Variants in MRPS16 observed in about 807,000 individuals in gnomAD.
MRPS16 encodes the protein small ribosomal subunit protein bS16m.
A neutral mutation model predicts 11.0 loss-of-function variants in MRPS16; 5 were observed. The observed-to-expected ratio is 0.46, with a 90% CI of 0.24 to 0.96. The LOEUF is 0.96. MRPS16 is among the 40% of genes least tolerant of loss of function. MRPS16 has a pLI of 0.20. For missense variants in MRPS16, 179 were observed against 174.4 expected (o/e 1.03, Z -0.15); for synonymous variants, 76 against 65.0 (o/e 1.17, Z -0.81).
chr10:73,252,602 G>A lies in MRPS16; in HGVS notation c.-120C>T, dbSNP rs1178310233. On this transcript the variant is annotated 5_prime_UTR_variant, in exon 1 of 3. Coordinates refer to ENST00000372945, the MANE Select transcript of MRPS16 (RefSeq NM_016065.4). ...CTGCAAGCCGACACCAGGCCGCACC[G>A]CCAAGCGGTACAAGCCCGAAAACCT... is the stretch of plus-strand genomic sequence containing the variant. The A allele has an allele frequency of 6.9e-7, 1 of 1,444,786 alleles. No individual in the cohort carries two copies. The highest frequency in any genetic ancestry group is 1.2e-5 in the South Asian group (1 of 82,560). 89.5% of individuals were successfully genotyped at this position (1,444,786 alleles called of 1,614,324 possible). A position where few individuals can be genotyped will look rare whatever the true frequency, so the allele number is the denominator to read the frequency against.
Position 73,249,287 on chromosome 10 carries a change from A to C in MRPS16, c.*1565T>G. 6.5e-7 allele frequency: 1 copy of C among 1,549,988 alleles called. No homozygotes were observed. The highest frequency in any genetic ancestry group is 8.7e-7 in the Non-Finnish European group (1 of 1,146,556). On this transcript the variant is annotated 3_prime_UTR_variant, in exon 3 of 3. Coordinates refer to ENST00000372945, the MANE Select transcript of MRPS16 (RefSeq NM_016065.4). ...TGTTGAATTTCATCTCACTGACTTC[A>C]GGCTTTTAAAACACATGGGAATACT...
chr10:73,251,051 ACT>A (rs1175988949), intron 2 of MRPS16, 60 bp from the exon 3 acceptor site: 3 of 1,587,960 alleles, frequency 1.9e-6, no homozygotes, highest in Non-Finnish European at 2.6e-6. Flanking sequence ...TTCCCTAGGA[ACT>A]CTGTCTCACA....
chr10:73,252,309 T>A, intron 1 of MRPS16, 161 bp downstream of exon 1: 1 of 1,212,336 alleles, frequency 8.2e-7, no homozygotes, highest in Non-Finnish European at 1.2e-6. Flanking sequence ...TCAGCGGTGA[T>A]TAAGTGGGGA....
rs113958603 is a variant in MRPS16 at position 73,252,609 on chromosome 10, G to C, written c.-127C>G. The C allele has an allele frequency of 1.4e-6, 2 of 1,394,534 alleles. No homozygotes were observed. Among genetic ancestry groups the C allele is most frequent in the Admixed American group, 2.0e-5 (1 of 48,854 alleles). The allele number at this position is 1,394,534 out of a possible 1,614,324, so 86.4% of individuals were successfully genotyped here. A position where few individuals can be genotyped will look rare whatever the true frequency, so the allele number is the denominator to read the frequency against. ...CCGACACCAGGCCGCACCGCCAAGCGGTACAAGCCCGAAAACCTCGACTCC... is the reference window on the plus strand; with the variant it reads ...CCGACACCAGGCCGCACCGCCAAGCCGTACAAGCCCGAAAACCTCGACTCC... On this transcript the variant is annotated 5_prime_UTR_variant, in exon 1 of 3. Transcript: ENST00000372945.
rs1046863246 is a variant in MRPS16 at position 73,252,558 on chromosome 10, G to A, written c.-76C>T. The A allele has an allele frequency of 7.0e-6, 11 of 1,580,118 alleles. No individual in the cohort carries two copies. The highest frequency in any genetic ancestry group is 4.0e-5 in the African/African-American group (3 of 74,442). Reference sequence around the variant, plus strand: ...AGCTCTACGGCCTTGGCAGGGCAGAGAACAAACACAGAAAGAACCTGCAAG... The same window carrying A: ...AGCTCTACGGCCTTGGCAGGGCAGAAAACAAACACAGAAAGAACCTGCAAG... On this transcript the variant is annotated 5_prime_UTR_variant, in exon 1 of 3. Transcript: ENST00000372945.
rs1024043807 is a variant in MRPS16, at chr10:73,248,965, C to A, written c.*1887G>T. 3.3e-5 allele frequency: 18 copies of A among 552,806 alleles called. No individual in the cohort carries two copies. The highest frequency in any genetic ancestry group is 2.4e-4 in the African/African-American group (13 of 53,356). The allele number at this position is 552,806 out of a possible 1,614,324, so 34.2% of individuals were successfully genotyped here. A position where few individuals can be genotyped will look rare whatever the true frequency, so the allele number is the denominator to read the frequency against. On this transcript the variant is annotated 3_prime_UTR_variant, in exon 3 of 3. Coordinates refer to ENST00000372945, the MANE Select transcript of MRPS16 (RefSeq NM_016065.4). ...CTTTTTCTTTTCTCTGTCACCCAGG[C>A]TGGACTGTAGTGGAACAATCACAGT...
At chr10:73,251,630 C>T (rs2044100078) in intron 2 of MRPS16, 133 bp downstream of exon 2, 2 of 1,293,934 alleles carry the variant, frequency 1.5e-6, no homozygotes, top group Admixed American at 1.7e-5. Context: ...ATCCGCCCGC[C>T]TCGGCCTCCC....
Position 73,252,123 on chromosome 10 carries a change from C to T in MRPS16, c.14-100G>A, listed in dbSNP as rs1011969862. ...TTTTCCCACTGAAATGTCTCACTTC[C>T]AATCCATTCCTGTCAATCCAGTTTA... On this transcript the variant is annotated intron_variant, in intron 1 of 2. Transcript: ENST00000372945. The T allele has an allele frequency of 4.7e-6, 7 of 1,482,224 alleles. No individual in the cohort carries two copies. The Admixed American group carries it at 5.9e-5, about 12-fold the overall frequency. 91.8% of individuals were successfully genotyped at this position (1,482,224 alleles called of 1,614,324 possible).
At chr10:73,252,415 G>C in intron 1 of MRPS16, 55 bp downstream of exon 1, 22 of 1,607,072 alleles carry the variant, frequency 1.4e-5, no homozygotes, top group Non-Finnish European at 1.8e-5. Flanking sequence ...ACCCGGCCCC[G>C]AACTCCCGAG....
Position 73,249,159 on chromosome 10 carries a change from C to A in MRPS16, c.*1693G>T. ...GTCTCAAACTCTGGCTTCAAGTGAT[C>A]CTTCCACCTCAGCCTCCCAAAGTGC... On this transcript the variant is annotated 3_prime_UTR_variant, in exon 3 of 3. Coordinates refer to ENST00000372945, the MANE Select transcript of MRPS16 (RefSeq NM_016065.4). 1.2e-6 allele frequency: 1 copy of A among 855,442 alleles called. No individual in the cohort carries two copies. The highest frequency in any genetic ancestry group is 1.8e-6 in the Non-Finnish European group (1 of 541,360). The allele number at this position is 855,442 out of a possible 1,614,324, so 53.0% of individuals were successfully genotyped here.
intron 2 of MRPS16, 65 bp downstream of exon 2, chr10:73,251,698 C>G: frequency 6.2e-7 from 1 of 1,608,652 alleles, no homozygotes; most frequent in Non-Finnish European, 8.5e-7. Flanking sequence ...ATTCTTACAC[C>G]TACTGTCCTG....
intron 2 of MRPS16, 44 bp from the exon 3 acceptor site, chr10:73,251,035 C>T (rs758374684): frequency 1.9e-6 from 3 of 1,606,054 alleles, no homozygotes; most frequent in East Asian, 2.2e-5. Context: ...CAGTATAAGC[C>T]AATGCTTCCC....
At position 73,250,825 on chromosome 10, in the gene MRPS16, C is replaced by T. The variant is rs952519857; in HGVS notation, c.*27G>A. 1.2e-6 allele frequency: 2 copies of T among 1,612,234 alleles called. No homozygotes were observed. The highest frequency in any genetic ancestry group is 1.3e-5 in the African/African-American group (1 of 74,912). Reference sequence around the variant, plus strand: ...CAAAAGGACCTTGACCTTGTTCCCACTGCTATGCTCACTAAAGTCAGCTCA... The same window carrying T: ...CAAAAGGACCTTGACCTTGTTCCCATTGCTATGCTCACTAAAGTCAGCTCA... On this transcript the variant is annotated 3_prime_UTR_variant, in exon 3 of 3. Transcript: ENST00000372945.
rs767062387 is a variant in MRPS16 at position 73,250,886 on chromosome 10, G to A, written c.380C>T (p.Ala127Val). Residue 127 changes from alanine to valine, a missense_variant, in exon 3 of 3, where the codon GCA becomes GTA. Transcript: ENST00000372945. ...TGTAGCCTCTGTATCTGTAGCTTCT[G>A]CATCTGTTTTCTGAGAAGCTAACAG... ...EVLLASQKTD[A>V]EATDTEATET is the part of the protein sequence containing the mutation. 3.4e-5 allele frequency: 55 copies of A among 1,614,006 alleles called. No individual in the cohort carries two copies. Among genetic ancestry groups the A allele is most frequent in the Admixed American group, 1.5e-4 (9 of 60,002 alleles).
Position 73,249,315 on chromosome 10 carries a change from A to G in MRPS16, c.*1537T>C. The G allele has an allele frequency of 6.5e-7, 1 of 1,549,800 alleles. No individual in the cohort carries two copies. Among genetic ancestry groups the G allele is most frequent in the Non-Finnish European group, 8.7e-7 (1 of 1,146,418 alleles). On this transcript the variant is annotated 3_prime_UTR_variant, in exon 3 of 3. Coordinates refer to ENST00000372945, the MANE Select transcript of MRPS16 (RefSeq NM_016065.4). ...CTTTTAAAACACATGGGAATACTTG[A>G]GACCTAAGAATGGTTGTGAGTCAAA...
rs567197056 is a variant in MRPS16, at chr10:73,250,874, T to C, written c.392A>G (p.Asp131Gly). ...CATTTATGTTTCTGTAGCCTCTGTA[T>C]CTGTAGCTTCTGCATCTGTTTTCTG... ...ASQKTDAEAT[D>G]TEATET The change falls in exon 3 of 3, where the codon GAT becomes GGT. Residue 131 changes from aspartate to glycine, a missense_variant. Transcript: ENST00000372945. The C allele has an allele frequency of 1.9e-6, 3 of 1,614,162 alleles. No homozygotes were observed. The highest frequency in any genetic ancestry group is 2.5e-6 in the Non-Finnish European group (3 of 1,180,036).
chr10:73,252,629 G>A lies in MRPS16; in HGVS notation c.-147C>T, dbSNP rs886047202. The A allele has an allele frequency of 2.6e-6, 3 of 1,161,708 alleles. No homozygotes were observed. The highest frequency in any genetic ancestry group is 2.6e-5 in the East Asian group (1 of 38,596). The allele number at this position is 1,161,708 out of a possible 1,614,324, so 72.0% of individuals were successfully genotyped here. Reference sequence around the variant, plus strand: ...CAAGCGGTACAAGCCCGAAAACCTCGACTCCGGAAGCGGATGATCCGCTCG... The same window carrying A: ...CAAGCGGTACAAGCCCGAAAACCTCAACTCCGGAAGCGGATGATCCGCTCG... On this transcript the variant is annotated 5_prime_UTR_variant, in exon 1 of 3. Transcript: ENST00000372945.
chr10:73,249,322 A>G lies in MRPS16; in HGVS notation c.*1530T>C. 6.5e-7 allele frequency: 1 copy of G among 1,549,412 alleles called. No homozygotes were observed. Among genetic ancestry groups the G allele is most frequent in the South Asian group, 1.2e-5 (1 of 83,960 alleles). On this transcript the variant is annotated 3_prime_UTR_variant, in exon 3 of 3. Transcript: ENST00000372945. ...AACACATGGGAATACTTGAGACCTA[A>G]GAATGGTTGTGAGTCAAATAAAAAA...
chr10:73,249,025 C>G lies in MRPS16; in HGVS notation c.*1827G>C. Reference sequence around the variant, plus strand: ...CATCGGCCTCCTGGGCTCAAGTGATCTTACTGCCTCAGCTTCCCGAGTAGC... The same window carrying G: ...CATCGGCCTCCTGGGCTCAAGTGATGTTACTGCCTCAGCTTCCCGAGTAGC... On this transcript the variant is annotated 3_prime_UTR_variant, in exon 3 of 3. Transcript: ENST00000372945. 1.7e-6 allele frequency: 1 copy of G among 590,856 alleles called. No homozygotes were observed. Among genetic ancestry groups the G allele is most frequent in the Admixed American group, 2.4e-5 (1 of 41,444 alleles). 36.6% of individuals were successfully genotyped at this position (590,856 alleles called of 1,614,324 possible). A position where few individuals can be genotyped will look rare whatever the true frequency, so the allele number is the denominator to read the frequency against.
Sources: allele counts gnomAD v4.1 joint callset, GRCh38; gene constraint gnomAD v4.1.1; transcripts MANE v1.5; gene names NCBI Gene and HGNC (gene_info 2026-07-23, HGNC 2026-07-21).